NTM: variants seen among roughly 807,000 people sequenced by gnomAD.
NTM encodes IgLON family member 2.
In NTM, 13 loss-of-function variants were observed where a neutral mutation model predicts 42.1. The observed-to-expected ratio is 0.31, with a 90% CI of 0.20 to 0.49. The LOEUF is 0.49. Ranked by LOEUF, NTM falls within the 20% of genes least tolerant of loss-of-function variation. NTM has a pLI of 0.99. For missense variants in NTM, 373 were observed against 452.8 expected (o/e 0.82, Z 1.60); for synonymous variants, 187 against 179.2 (o/e 1.04, Z -0.35).
intron 1 of NTM, among the ~76,000 whole-genome samples, chr11:131,515,010 G>A (rs1591898972): frequency 2.0e-5 from 3 of 152,092 alleles, no homozygotes; most frequent in East Asian, 3.9e-4. Context: ...TTGGGAACAA[G>A]CGATCCTCCT....
intron 1 of NTM, among the ~76,000 whole-genome samples, chr11:131,481,736 C>T (rs912296330): frequency 1.3e-5 from 2 of 152,316 alleles, no homozygotes; most frequent in Non-Finnish European, 2.9e-5. Context: ...TCACTATGAG[C>T]TCTGCATTGT....
rs1422472071 is a variant in NTM, at chr11:132,169,366, C to T, written c.400+22852C>T. Among the ~76,000 whole-genome samples the T allele has an allele frequency of 1.4e-4, 12 of 87,898 alleles. No individual in the cohort carries two copies. The Admixed American group carries it at 1.9e-3, about 14-fold the overall frequency. The allele number at this position is 87,898 out of a possible 152,430, so 57.7% of individuals were successfully genotyped here. On this transcript the variant is annotated intron_variant, in intron 3 of 8. Coordinates refer to ENST00000683400, the MANE Select transcript of NTM (RefSeq NM_001352005.2). Reference sequence around the variant, plus strand: ...TTTTTTTTTTTTGGAGATGGAGTCTCACTCTGTCACCCAGGCTGGAGTGCA... The same window carrying T: ...TTTTTTTTTTTTGGAGATGGAGTCTTACTCTGTCACCCAGGCTGGAGTGCA...
At chr11:131,777,152 C>T in intron 1 of NTM, 1 of 668,764 alleles carries the variant, frequency 1.5e-6, no homozygotes, top group Non-Finnish European at 1.8e-6. Flanking sequence ...TATAACATCT[C>T]CACCAATGCC....
rs531705797 is a variant in NTM, at chr11:131,940,403, T to G, written c.167+28755T>G. 1.2e-3 allele frequency among the ~76,000 whole-genome samples: 181 copies of G among 152,326 alleles called. 1 individual carries two copies. The highest frequency in any genetic ancestry group is 4.2e-3 in the African/African-American group (173 of 41,570). ...AAACAAGACGTTAGTGGGTATACATTGTGAGATAAATACATATGTATTTTA... is the reference window on the plus strand; with the variant it reads ...AAACAAGACGTTAGTGGGTATACATGGTGAGATAAATACATATGTATTTTA... On this transcript the variant is annotated intron_variant, in intron 2 of 8. Coordinates refer to ENST00000683400, the MANE Select transcript of NTM (RefSeq NM_001352005.2).
chr11:132,299,432 G>A (rs2140101120), intron 4 of NTM, among the ~76,000 whole-genome samples: 1 of 152,310 alleles, frequency 6.6e-6, no homozygotes, highest in East Asian at 1.9e-4. Context: ...GAGGAGCCCA[G>A]GAAGAAGCAG....
intron 1 of NTM, among the ~76,000 whole-genome samples, chr11:131,494,000 A>G (rs1246197158): frequency 2.0e-5 from 3 of 152,158 alleles, no homozygotes; most frequent in Non-Finnish European, 2.9e-5. Context: ...AATATCTGTC[A>G]TTCAGCAAGT....
At chr11:131,498,698 G>A (rs954126441) in intron 1 of NTM, among the ~76,000 whole-genome samples, 3 of 152,154 alleles carry the variant, frequency 2.0e-5, no homozygotes, top group African/African-American at 7.2e-5. Flanking sequence ...TGGAATGGTG[G>A]CCTCTGGGCT....
intron 1 of NTM, among the ~76,000 whole-genome samples, chr11:131,623,554 A>T (rs115229572): frequency 0.016 from 2,388 of 152,334 alleles, 65 homozygotes; most frequent in African/African-American, 0.053. Flanking sequence ...ATGAAAATTC[A>T]TTTGGATAGC....
chr11:131,603,940 T>A (rs1011968843), intron 1 of NTM, among the ~76,000 whole-genome samples: 2 of 152,182 alleles, frequency 1.3e-5, no homozygotes, highest in African/African-American at 4.8e-5. Flanking sequence ...CATCATTTAA[T>A]AGACATGTGG....
At chr11:132,026,766 T>C (rs189058618) in intron 2 of NTM, among the ~76,000 whole-genome samples, 1 of 152,290 alleles carries the variant, frequency 6.6e-6, no homozygotes, top group East Asian at 1.9e-4. Flanking sequence ...GGAAAGGCAA[T>C]TGTTTCTCTC....
At chr11:131,645,680 A>G (rs190876893) in intron 1 of NTM, among the ~76,000 whole-genome samples, 1 of 152,136 alleles carries the variant, frequency 6.6e-6, no homozygotes, top group East Asian at 1.9e-4. Context: ...AGTACATTGT[A>G]TCTTTTAAAA....
intron 2 of NTM, among the ~76,000 whole-genome samples, chr11:132,111,470 A>G (rs1025119149): frequency 6.6e-6 from 1 of 152,192 alleles, no homozygotes; most frequent in Admixed American, 6.6e-5. Context: ...ATAAGCCTTC[A>G]TACAGCTTTA....
Position 131,545,999 on chromosome 11 carries a change from A to C in NTM, c.82+175111A>C, listed in dbSNP as rs370842040. Among the ~76,000 whole-genome samples, 12 of 152,050 alleles carry C rather than the reference A, an allele frequency of 7.9e-5. No homozygotes were observed. In the South Asian group the frequency reaches 2.5e-3, roughly 32 times the overall value. On this transcript the variant is annotated intron_variant, in intron 1 of 8. Transcript: ENST00000683400. ...AGTCAGCTTAGAAAGTGGGAGGGGGACCTTTACATGTTACCTAATACACTG... is the reference window on the plus strand; with the variant it reads ...AGTCAGCTTAGAAAGTGGGAGGGGGCCCTTTACATGTTACCTAATACACTG...
intron 1 of NTM, among the ~76,000 whole-genome samples, chr11:131,908,067 C>G (rs2054124190): frequency 6.6e-6 from 1 of 152,180 alleles, no homozygotes; most frequent in African/African-American, 2.4e-5. Context: ...GTTGCAAGTG[C>G]CTTTTCTTTG....
At chr11:132,211,637 G>A (rs527857336) in intron 3 of NTM, 2 of 172,258 alleles carry the variant, frequency 1.2e-5, no homozygotes, top group South Asian at 1.4e-4. Flanking sequence ...GAGCTGTTTA[G>A]ACAGAGATGT....
intron 1 of NTM, among the ~76,000 whole-genome samples, chr11:131,687,483 G>T (rs1334767328): frequency 6.6e-6 from 1 of 152,150 alleles, no homozygotes; most frequent in Non-Finnish European, 1.5e-5. Flanking sequence ...GACCATCACC[G>T]GCCTGGCCCC....
At position 131,385,627 on chromosome 11, in the gene NTM, A is replaced by G. The variant is rs560693009; in HGVS notation, c.82+14739A>G. On this transcript the variant is annotated intron_variant, in intron 1 of 8. Transcript: ENST00000683400. Reference sequence around the variant, plus strand: ...TAGCACTCTGGGAGGCTGAAGCTGGAGGATTGCTTAAGCCCAAGAGTTCAT... The same window carrying G: ...TAGCACTCTGGGAGGCTGAAGCTGGGGGATTGCTTAAGCCCAAGAGTTCAT... Among the ~76,000 whole-genome samples the G allele has an allele frequency of 4.5e-4, 69 of 152,260 alleles. 1 individual carries two copies. Among genetic ancestry groups the G allele is most frequent in the African/African-American group, 1.7e-3 (69 of 41,550 alleles).
chr11:131,432,666 A>T (rs1948744470), intron 1 of NTM, among the ~76,000 whole-genome samples: 1 of 152,074 alleles, frequency 6.6e-6, no homozygotes, highest in African/African-American at 2.4e-5. Flanking sequence ...AATTTTCAAA[A>T]GAAAATTGAC....
intron 2 of NTM, among the ~76,000 whole-genome samples, chr11:132,081,785 G>T (rs1384029788): frequency 1.3e-5 from 2 of 151,188 alleles, no homozygotes; most frequent in Non-Finnish European, 1.5e-5. Flanking sequence ...CTTGTATGAA[G>T]TAATAGCTTT....
Sources: gnomAD v4.1 joint callset for allele counts (sites outside exome capture counted in the v4.1 genomes callset) on GRCh38, gnomAD v4.1.1 for gene constraint, MANE v1.5 for transcripts, NCBI Gene and HGNC (gene_info 2026-07-23, HGNC 2026-07-21) for gene names.